TBC1D19: variants seen among roughly 807,000 people sequenced by gnomAD.
TBC1D19 encodes the protein TBC1 domain family, member 19.
A neutral mutation model predicts 89.0 loss-of-function variants in TBC1D19; 60 were observed. That is an observed-to-expected ratio of 0.67 (90% CI 0.55 to 0.84). The LOEUF (loss-of-function observed/expected upper bound fraction) is 0.84, where lower values mean the gene tolerates loss of function less well. Among genes scored for constraint, TBC1D19 ranks in the 40% least tolerant of loss-of-function variants. TBC1D19 has a pLI of 0.00. For missense variants in TBC1D19, 500 were observed against 610.8 expected, an observed-to-expected ratio of 0.82 and a Z score of 1.91; for synonymous variants, 189 against 199.7, an observed-to-expected ratio of 0.95 and a Z score of 0.45.
Position 26,584,116 on chromosome 4 carries a change from C to T in TBC1D19, c.-78C>T. On this transcript the variant is annotated 5_prime_UTR_variant, in exon 1 of 21. Transcript: ENST00000264866. ...TAAGGTCCCGGAGAAGTGTCACTGG[C>T]CCTGAGTGGGACCCGGTAGCCCGTT... 7.1e-7 allele frequency: 1 copy of T among 1,417,320 alleles called. No individual in the cohort carries two copies. Among genetic ancestry groups the T allele is most frequent in the Non-Finnish European group, 9.8e-7 (1 of 1,022,446 alleles). The allele number at this position is 1,417,320 out of a possible 1,614,324, so 87.8% of individuals were successfully genotyped here. A position where few individuals can be genotyped will look rare whatever the true frequency, so the allele number is the denominator to read the frequency against.
the TBC1D19 span, among the ~76,000 whole-genome samples, chr4:26,828,512 A>C: frequency 1.3e-5 from 2 of 152,218 alleles, no homozygotes; most frequent in Non-Finnish European, 2.9e-5. Flanking sequence ...TGAATGGTAA[A>C]ATACTTGATG....
chr4:26,685,550 G>T (rs909087592), intron 12 of TBC1D19, among the ~76,000 whole-genome samples: 1 of 152,182 alleles, frequency 6.6e-6, no homozygotes, highest in African/African-American at 2.4e-5. Flanking sequence ...GATAAAGAAA[G>T]AAATTTGTTT....
At chr4:26,585,213 A>G (rs1471688340) in intron 1 of TBC1D19, 1 of 442,934 alleles carries the variant, frequency 2.3e-6, no homozygotes, top group Non-Finnish European at 4.5e-6. Flanking sequence ...TCTATGAGAA[A>G]CTGTCACACT....
upstream of TBC1D19, among the ~76,000 whole-genome samples, chr4:26,580,419 CT>C (rs1302597208): frequency 3.9e-5 from 6 of 152,104 alleles, no homozygotes; most frequent in Non-Finnish European, 8.8e-5. Context: ...GAGCCAGTTT[CT>C]TTTTAAGCAT....
Position 26,755,208 on chromosome 4 carries a change from T to G in TBC1D19, c.*261T>G, listed in dbSNP as rs150884746. The G allele has an allele frequency of 1.1e-3, 179 of 157,276 alleles. 5 individuals carry two copies. In the East Asian group the frequency reaches 0.029, roughly 26 times the overall value. 9.7% of individuals were successfully genotyped at this position (157,276 alleles called of 1,614,324 possible). A position where few individuals can be genotyped will look rare whatever the true frequency, so the allele number is the denominator to read the frequency against. On this transcript the variant is annotated 3_prime_UTR_variant, in exon 21 of 21. Coordinates refer to ENST00000264866, the MANE Select transcript of TBC1D19 (RefSeq NM_018317.4). ...ATTGAGCATTATATATATAATATTA[T>G]AATATATATATAATCCTGACTTGTC...
intron 13 of TBC1D19, among the ~76,000 whole-genome samples, chr4:26,704,168 C>T (rs1253053534): frequency 1.3e-5 from 2 of 151,822 alleles, no homozygotes; most frequent in African/African-American, 2.4e-5. Flanking sequence ...CTTAAAGTAC[C>T]CATTTTTAAG....
At chr4:26,833,308 G>T in the TBC1D19 span, among the ~76,000 whole-genome samples, 1 of 152,158 alleles carries the variant, frequency 6.6e-6, no homozygotes, top group African/African-American at 2.4e-5. Flanking sequence ...TTTTTGGGGA[G>T]TGTGCGTCAG....
At chr4:26,850,458 G>A in the TBC1D19 span, among the ~76,000 whole-genome samples, 1 of 146,418 alleles carries the variant, frequency 6.8e-6, no homozygotes, top group African/African-American at 2.6e-5. Flanking sequence ...TGAGGTGGGA[G>A]GACTGCCTGA....
At chr4:26,581,685 T>C (rs948750456), upstream of TBC1D19, among the ~76,000 whole-genome samples, 9 of 152,336 alleles carry the variant, frequency 5.9e-5, no homozygotes, top group African/African-American at 2.2e-4. Flanking sequence ...TTTACAGTAA[T>C]AAAATTTCCA....
intron 15 of TBC1D19, among the ~76,000 whole-genome samples, chr4:26,727,894 G>T (rs1247859402): frequency 6.6e-6 from 1 of 152,192 alleles, no homozygotes; most frequent in African/African-American, 2.4e-5. Flanking sequence ...TGTGCTGGAT[G>T]CTGAAGATAA....
intron 19 of TBC1D19, among the ~76,000 whole-genome samples, chr4:26,749,060 A>T (rs557218815): frequency 6.6e-6 from 1 of 151,596 alleles, no homozygotes; most frequent in African/African-American, 2.4e-5. Context: ...TTCCCCTTTT[A>T]TTCTCTCAGG....
At chr4:26,741,216 C>T (rs980104840) in intron 17 of TBC1D19, among the ~76,000 whole-genome samples, 4 of 151,658 alleles carry the variant, frequency 2.6e-5, no homozygotes, top group Non-Finnish European at 5.9e-5. Context: ...ATTAGCCTGG[C>T]GCGGTGGCGG....
At chr4:26,649,814 A>G (rs1264025371) in intron 7 of TBC1D19, among the ~76,000 whole-genome samples, 3 of 151,968 alleles carry the variant, frequency 2.0e-5, no homozygotes, top group Admixed American at 1.3e-4. Context: ...TGCACCCATT[A>G]ACTCGTCATT....
intron 13 of TBC1D19, among the ~76,000 whole-genome samples, chr4:26,715,674 A>G (rs1436502994): frequency 6.6e-6 from 1 of 152,092 alleles, no homozygotes; most frequent in Non-Finnish European, 1.5e-5. Context: ...TTTCCCTTGC[A>G]TCCTCTTCAT....
At chr4:26,710,861 C>T (rs182524456) in intron 13 of TBC1D19, among the ~76,000 whole-genome samples, 61 of 152,182 alleles carry the variant, frequency 4.0e-4, no homozygotes, top group Admixed American at 1.2e-3. Context: ...CCTTCGCCCA[C>T]GTTTTGATGG....
At chr4:26,833,395 A>G in the TBC1D19 span, among the ~76,000 whole-genome samples, 1 of 152,200 alleles carries the variant, frequency 6.6e-6, no homozygotes, top group Admixed American at 6.5e-5. Flanking sequence ...ATAAATACAT[A>G]GAGTCATGAA....
intron 15 of TBC1D19, among the ~76,000 whole-genome samples, chr4:26,724,931 G>A (rs1017440761): frequency 2.0e-5 from 3 of 152,300 alleles, no homozygotes; most frequent in Admixed American, 2.0e-4. Flanking sequence ...GCTGCAGCTA[G>A]TATATATTTT....
intron 1 of TBC1D19, chr4:26,576,843 T>A: frequency 2.2e-6 from 1 of 456,216 alleles, no homozygotes; most frequent in Non-Finnish European, 4.4e-6. Context: ...AAGGGCTATG[T>A]CATGAACCTG....
chr4:26,748,598 C>A, intron 19 of TBC1D19, 72 bp downstream of exon 19: 1 of 1,060,054 alleles, frequency 9.4e-7, no homozygotes, highest in South Asian at 1.4e-5. Context: ...CTAACATTCA[C>A]CATCCGTAAC....
Sources: allele counts gnomAD v4.1 joint callset (sites outside exome capture counted in the v4.1 genomes callset), GRCh38; gene constraint gnomAD v4.1.1; transcripts MANE v1.5; gene names NCBI Gene and HGNC (gene_info 2026-07-23, HGNC 2026-07-21).